Variants in AFG2A observed in about 807,000 individuals in gnomAD.
AFG2A encodes ATPase family gene 2 protein homolog A.
At chr4:123,304,059 G>A in the AFG2A span, among the ~76,000 whole-genome samples, 3 of 152,086 alleles carry the variant, frequency 2.0e-5, no homozygotes, top group Admixed American at 6.6e-5. Flanking sequence ...GGTTTTCAGT[G>A]AAGTGGCATT....
chr4:123,221,603 A>AAAAAAGT, the AFG2A span, among the ~76,000 whole-genome samples: 44 of 152,246 alleles, frequency 2.9e-4, no homozygotes, highest in African/African-American at 9.6e-4. Flanking sequence ...TTACTTTTTT[A>AAAAAAGT]AAAACCTTTA....
At chr4:123,282,097 A>C in the AFG2A span, among the ~76,000 whole-genome samples, 1 of 152,202 alleles carries the variant, frequency 6.6e-6, no homozygotes, top group Admixed American at 6.5e-5. Flanking sequence ...TATTGAGTAT[A>C]GTGGGCAGGC....
the AFG2A span, among the ~76,000 whole-genome samples, chr4:123,028,880 T>A: frequency 6.6e-6 from 1 of 152,214 alleles, no homozygotes; most frequent in Non-Finnish European, 1.5e-5. Context: ...ACACATTTTA[T>A]TTGTTCATTG....
the AFG2A span, among the ~76,000 whole-genome samples, chr4:123,267,699 G>A: frequency 6.6e-6 from 1 of 152,038 alleles, no homozygotes. Context: ...AAGAACGTAA[G>A]TCAAACACTG....
chr4:122,948,763 C>T, the AFG2A span, among the ~76,000 whole-genome samples: 1 of 152,062 alleles, frequency 6.6e-6, no homozygotes, highest in Non-Finnish European at 1.5e-5. Context: ...TTAGCATCCT[C>T]CCCCCAGCAA....
At chr4:123,007,565 T>C in the AFG2A span, among the ~76,000 whole-genome samples, 1 of 33,076 alleles carries the variant, frequency 3.0e-5, no homozygotes, top group Admixed American at 3.6e-4. Context: ...TGTGTGTGTG[T>C]ATATGTGTGT....
the AFG2A span, among the ~76,000 whole-genome samples, chr4:123,013,854 A>G: frequency 2.8e-4 from 42 of 152,348 alleles, no homozygotes; most frequent in African/African-American, 8.4e-4. Flanking sequence ...TATAGAAGGT[A>G]CTATGTTAGG....
chr4:123,067,918 T>C, the AFG2A span, among the ~76,000 whole-genome samples: 1 of 152,184 alleles, frequency 6.6e-6, no homozygotes, highest in African/African-American at 2.4e-5. Flanking sequence ...GTTGGTCAGA[T>C]TTGGTCTGTG....
the AFG2A span, among the ~76,000 whole-genome samples, chr4:123,143,325 A>T: frequency 6.6e-6 from 1 of 152,100 alleles, no homozygotes; most frequent in African/African-American, 2.4e-5. Flanking sequence ...TATTTCAGCA[A>T]GTTTTCAGCA....
chr4:123,205,945 A>G, the AFG2A span, among the ~76,000 whole-genome samples: 8 of 152,132 alleles, frequency 5.3e-5, no homozygotes, highest in Non-Finnish European at 2.9e-5. Context: ...GTCCTACTTG[A>G]AAATTCTAAC....
At chr4:123,226,605 G>A in the AFG2A span, among the ~76,000 whole-genome samples, 4 of 152,216 alleles carry the variant, frequency 2.6e-5, no homozygotes, top group Middle Eastern at 3.4e-3. Context: ...TGCTGGATTC[G>A]GTTTGCCAGT....
At chr4:123,108,998 G>T in the AFG2A span, among the ~76,000 whole-genome samples, 1 of 151,988 alleles carries the variant, frequency 6.6e-6, no homozygotes, top group African/African-American at 2.4e-5. Flanking sequence ...TTAATAATTT[G>T]ATGTCCTTTT....
the AFG2A span, among the ~76,000 whole-genome samples, chr4:122,959,240 GTGT>G: frequency 6.6e-6 from 1 of 152,184 alleles, no homozygotes; most frequent in Non-Finnish European, 1.5e-5. Flanking sequence ...GTCTCTAATA[GTGT>G]TGTTGCGTTT....
the AFG2A span, among the ~76,000 whole-genome samples, chr4:123,004,398 C>T: frequency 2.0e-5 from 3 of 152,214 alleles, no homozygotes; most frequent in African/African-American, 4.8e-5. Context: ...TCATCTTCTG[C>T]GTTGCTCACG....
At chr4:123,088,839 A>G in the AFG2A span, among the ~76,000 whole-genome samples, 1 of 152,222 alleles carries the variant, frequency 6.6e-6, no homozygotes, top group Admixed American at 6.5e-5. Context: ...CTGTGAATCA[A>G]TTAAACCTGT....
At chr4:122,984,100 G>A in the AFG2A span, among the ~76,000 whole-genome samples, 3 of 152,124 alleles carry the variant, frequency 2.0e-5, no homozygotes, top group Non-Finnish European at 4.4e-5. Context: ...AATCACACTA[G>A]GGATGTGTTT....
the AFG2A span, among the ~76,000 whole-genome samples, chr4:123,269,710 G>A: frequency 1.3e-5 from 2 of 152,140 alleles, no homozygotes; most frequent in African/African-American, 4.8e-5. Context: ...ACTTTGGGTG[G>A]GGGAACCTGC....
At chr4:122,927,843 G>T in the AFG2A span, 1 of 1,539,352 alleles carries the variant, frequency 6.5e-7, no homozygotes, top group East Asian at 2.3e-5. Flanking sequence ...ATGCTTTTGA[G>T]TGCCATGGTA....
chr4:123,227,206 T>C, the AFG2A span, among the ~76,000 whole-genome samples: 64 of 151,892 alleles, frequency 4.2e-4, no homozygotes, highest in African/African-American at 1.4e-3. Flanking sequence ...GTGTGTCTAT[T>C]TCCTTCAGTT....
Sources: allele counts gnomAD v4.1 joint callset (sites outside exome capture counted in the v4.1 genomes callset), GRCh38; gene constraint gnomAD v4.1.1; transcripts MANE v1.5; gene names NCBI Gene and HGNC (gene_info 2026-07-23, HGNC 2026-07-21).